HIVEP1: variants seen among roughly 807,000 people sequenced by gnomAD.
HIVEP1 encodes the protein zinc finger protein 40.
In HIVEP1, 36 loss-of-function variants were observed where a neutral mutation model predicts 180.0. The observed-to-expected ratio is 0.20, with a 90% confidence interval of 0.15 to 0.26. The LOEUF (loss-of-function observed/expected upper bound fraction) is 0.26, where lower values mean the gene tolerates loss of function less well. Ranked by LOEUF, HIVEP1 falls within the 10% of genes least tolerant of loss-of-function variation. The probability of loss-of-function intolerance (pLI) is 1.00; values close to 1 mark genes in which losing one functional copy is unlikely to be tolerated. For synonymous variants in HIVEP1, 1,239 were observed against 1,239.0 expected (o/e 1.00, Z 0.00); for missense variants, 3,143 against 3,268.7 (o/e 0.96, Z 0.94).
At chr6:12,043,957 C>T (rs995080468) in intron 2 of HIVEP1, among the ~76,000 whole-genome samples, 5 of 152,042 alleles carry the variant, frequency 3.3e-5, no homozygotes, top group African/African-American at 7.2e-5. Context: ...GGGTGGATCT[C>T]GGGTGTGGAG....
At chr6:12,192,590 G>A in the HIVEP1 span, among the ~76,000 whole-genome samples, 1 of 152,092 alleles carries the variant, frequency 6.6e-6, no homozygotes, top group Non-Finnish European at 1.5e-5. Flanking sequence ...CATGAGATCT[G>A]ATGGTTTAAA....
At chr6:12,207,742 A>AAATTAAT in the HIVEP1 span, among the ~76,000 whole-genome samples, 1 of 138,176 alleles carries the variant, frequency 7.2e-6, no homozygotes. Flanking sequence ...AGTCTCTACA[A>AAATTAAT]AATAATAATA....
the HIVEP1 span, among the ~76,000 whole-genome samples, chr6:12,178,979 G>GA: frequency 6.6e-6 from 1 of 152,092 alleles, no homozygotes; most frequent in Non-Finnish European, 1.5e-5. Flanking sequence ...ACCAGTTGCA[G>GA]AAAAATTTAT....
intron 2 of HIVEP1, among the ~76,000 whole-genome samples, chr6:12,022,748 A>C (rs957368704): frequency 6.6e-6 from 1 of 152,240 alleles, no homozygotes; most frequent in Non-Finnish European, 1.5e-5. Flanking sequence ...AGGAAACAGG[A>C]ATATCTACAT....
intron 2 of HIVEP1, among the ~76,000 whole-genome samples, chr6:12,047,114 C>G (rs1770191647): frequency 6.6e-6 from 1 of 152,098 alleles, no homozygotes; most frequent in Non-Finnish European, 1.5e-5. Context: ...CAGCCTCAGC[C>G]TCCCAAAGTG....
intron 2 of HIVEP1, among the ~76,000 whole-genome samples, chr6:12,050,333 C>A (rs1770417440): frequency 1.3e-5 from 2 of 152,292 alleles, no homozygotes; most frequent in Middle Eastern, 3.4e-3. Context: ...CGCCTGTAAT[C>A]CCAGCACTTT....
At chr6:12,181,501 C>T in the HIVEP1 span, among the ~76,000 whole-genome samples, 1 of 152,054 alleles carries the variant, frequency 6.6e-6, no homozygotes, top group African/African-American at 2.4e-5. Context: ...GCCTCAACCT[C>T]CTGGTCTCAA....
intron 2 of HIVEP1, among the ~76,000 whole-genome samples, chr6:12,053,304 A>T (rs1770655173): frequency 1.3e-5 from 2 of 152,084 alleles, no homozygotes; most frequent in African/African-American, 4.8e-5. Flanking sequence ...TTCTTTAAAC[A>T]TTGAGATGTC....
intron 3 of HIVEP1, among the ~76,000 whole-genome samples, chr6:12,119,373 G>T (rs1361815134): frequency 3.3e-5 from 5 of 152,204 alleles, no homozygotes; most frequent in African/African-American, 4.8e-5. Flanking sequence ...ATATCAGAAA[G>T]TCCCTCATCT....
Position 12,138,517 on chromosome 6 carries a change from G to A in HIVEP1, c.6487+2625G>A, listed in dbSNP as rs529850178. Among the ~76,000 whole-genome samples, 3 of 152,258 alleles carry A rather than the reference G, an allele frequency of 2.0e-5. No homozygotes were observed. In the East Asian group the frequency reaches 5.8e-4, roughly 29 times the overall value. ...GTGCACTGTTTCTAGCCTTCCACTA[G>A]CCCAGAGTGGTACCAGCTGTTCCTT... On this transcript the variant is annotated intron_variant, in intron 7 of 8. Transcript: ENST00000379388.
intron 2 of HIVEP1, among the ~76,000 whole-genome samples, chr6:12,053,117 CT>C (rs1770641894): frequency 6.6e-6 from 1 of 152,096 alleles, no homozygotes; most frequent in Admixed American, 6.5e-5. Context: ...TAATTTACAT[CT>C]GTTTTGGGGA....
intron 7 of HIVEP1, among the ~76,000 whole-genome samples, chr6:12,155,431 C>G (rs1759974600): frequency 6.6e-6 from 1 of 151,260 alleles, no homozygotes; most frequent in African/African-American, 2.4e-5. Flanking sequence ...ACAGACAGGC[C>G]CCAGTGAGTA....
At chr6:12,020,276 G>A (rs1375203593) in intron 2 of HIVEP1, 2 of 470,310 alleles carry the variant, frequency 4.3e-6, no homozygotes, top group South Asian at 1.6e-5. Flanking sequence ...TTTTGACACC[G>A]ACCTATCCTT....
chr6:12,205,925 C>G, the HIVEP1 span, among the ~76,000 whole-genome samples: 1 of 152,044 alleles, frequency 6.6e-6, no homozygotes, highest in Non-Finnish European at 1.5e-5. Flanking sequence ...GCTGCTGGAG[C>G]CATCATTAAT....
intron 7 of HIVEP1, among the ~76,000 whole-genome samples, chr6:12,154,651 C>T (rs975062916): frequency 3.3e-5 from 5 of 150,090 alleles, no homozygotes; most frequent in African/African-American, 1.2e-4. Context: ...GGGTGGGGGA[C>T]AAGGGGAGGG....
At chr6:12,140,174 A>G (rs1758937784) in intron 7 of HIVEP1, among the ~76,000 whole-genome samples, 3 of 152,198 alleles carry the variant, frequency 2.0e-5, no homozygotes, top group Non-Finnish European at 4.4e-5. Flanking sequence ...GCCGTTCTGC[A>G]ATATTTGCTG....
chr6:12,069,532 T>C (rs562709940), intron 2 of HIVEP1, among the ~76,000 whole-genome samples: 3 of 129,902 alleles, frequency 2.3e-5, no homozygotes, highest in East Asian at 2.3e-4. Flanking sequence ...TGAGAACATA[T>C]GGACACAGGA....
At position 12,130,874 on chromosome 6, in the gene HIVEP1, A is replaced by G. The variant is rs912103635; in HGVS notation, c.6317A>G (p.His2106Arg). 1.9e-6 allele frequency: 3 copies of G among 1,613,474 alleles called. No individual in the cohort carries two copies. The highest frequency in any genetic ancestry group is 2.5e-6 in the Non-Finnish European group (3 of 1,179,432). ...RCKKPSMLKK[H>R]IRTHTDVRPY... The stretch of plus-strand genomic sequence containing the variant: ...AAGAAACCTAGCATGTTAAAGAAAC[A>G]CATACGAACCCATACAGATGTCCGC... Residue 2106 changes from histidine (H) to arginine (R), a missense_variant, in exon 6 of 9, where the codon CAC becomes CGC. By Grantham distance (29) the His-to-Arg change is conservative. Coordinates refer to ENST00000379388, the MANE Select transcript of HIVEP1 (RefSeq NM_002114.4).
chr6:12,164,399 A>T lies in HIVEP1; in HGVS notation c.8095A>T (p.Thr2699Ser), dbSNP rs1760623574. The T allele has an allele frequency of 6.2e-7, 1 of 1,614,048 alleles. No individual in the cohort carries two copies. The highest frequency in any genetic ancestry group is 8.5e-7 in the Non-Finnish European group (1 of 1,180,044). The stretch of plus-strand genomic sequence containing the variant: ...CACAGCACTACCGCGGAGGCAGCCC[A>T]CTGTGCACTTCAGCGACGTGAGCAG... Reference protein sequence around the residue: ...RPTALPRRQPTVHFSDVSSDD... With the variant: ...RPTALPRRQPSVHFSDVSSDD... Residue 2699 changes from threonine to serine, a missense_variant, in exon 9 of 9, where the codon ACT becomes TCT. By Grantham distance (58) the Thr-to-Ser change is moderately conservative. Transcript: ENST00000379388.
Sources: gnomAD v4.1 joint callset for allele counts (sites outside exome capture counted in the v4.1 genomes callset) on GRCh38, gnomAD v4.1.1 for gene constraint, MANE v1.5 for transcripts, NCBI Gene and HGNC (gene_info 2026-07-23, HGNC 2026-07-21) for gene names.